The following LDB3 variants were observed in gnomAD, a reference collection of about 807,000 sequenced individuals.
The protein encoded by LDB3 is LIM domain binding 3.
In LDB3, 49 loss-of-function variants were observed where a neutral mutation model predicts 69.0. The observed-to-expected ratio is 0.71, with a 90% confidence interval of 0.56 to 0.90. The LOEUF (loss-of-function observed/expected upper bound fraction) is 0.90. Among genes scored for constraint, LDB3 ranks in the 40% least tolerant of loss-of-function variants. The probability of loss-of-function intolerance (pLI) is 0.00; values close to 1 mark genes in which losing one functional copy is unlikely to be tolerated. For synonymous variants in LDB3, 387 were observed against 396.2 expected, an observed-to-expected ratio of 0.98 and a Z score of 0.28; for missense variants, 928 against 974.1, an observed-to-expected ratio of 0.95 and a Z score of 0.63.
intron 5 of LDB3, among the ~76,000 whole-genome samples, chr10:86,689,683 GGC>G (rs1228321093): frequency 1.6e-4 from 24 of 152,194 alleles, no homozygotes; most frequent in African/African-American, 5.5e-4. Context: ...ACCTCTTGGA[GGC>G]CACTCCCCAG....
chr10:86,679,554 T>C, intron 3 of LDB3, 36 bp downstream of exon 3: 22 of 1,611,600 alleles, frequency 1.4e-5, no homozygotes, highest in Non-Finnish European at 1.8e-5. Flanking sequence ...GGGCGGAGGT[T>C]TGGGTGTGGG....
At chr10:86,724,400 C>T (rs946901088) in intron 12 of LDB3, among the ~76,000 whole-genome samples, 1 of 151,790 alleles carries the variant, frequency 6.6e-6, no homozygotes, top group East Asian at 1.9e-4. Flanking sequence ...GTCAAGAGAT[C>T]GAGACCATCC....
At chr10:86,669,877 C>G (rs1437413408) in intron 2 of LDB3, among the ~76,000 whole-genome samples, 1 of 152,184 alleles carries the variant, frequency 6.6e-6, no homozygotes, top group African/African-American at 2.4e-5. Context: ...AGTTTCTTCT[C>G]TGGGGCCTTA....
intron 7 of LDB3, among the ~76,000 whole-genome samples, chr10:86,702,397 C>T (rs913010316): frequency 2.6e-5 from 4 of 152,144 alleles, no homozygotes; most frequent in Non-Finnish European, 4.4e-5. Context: ...CCCCACCATT[C>T]CCACCACCAA....
At chr10:86,697,436 G>A (rs1356749529) in intron 7 of LDB3, among the ~76,000 whole-genome samples, 2 of 151,394 alleles carry the variant, frequency 1.3e-5, no homozygotes, top group Non-Finnish European at 2.9e-5. Context: ...GGCCAGGCTG[G>A]TCTTGAACTC....
intron 12 of LDB3, among the ~76,000 whole-genome samples, chr10:86,725,061 G>A (rs1048934290): frequency 2.0e-5 from 3 of 152,194 alleles, no homozygotes; most frequent in Admixed American, 1.3e-4. Flanking sequence ...CTATCCACAA[G>A]AAGAACAGGA....
At chr10:86,720,475 T>C (rs1255815093) in intron 12 of LDB3, among the ~76,000 whole-genome samples, 1 of 151,948 alleles carries the variant, frequency 6.6e-6, no homozygotes, top group Non-Finnish European at 1.5e-5. Flanking sequence ...AAGAAACGTC[T>C]TGGGTTCTTG....
Position 86,699,356 on chromosome 10 carries a change from C to T in LDB3, c.896+6785C>T, listed in dbSNP as rs374314746. 1.2e-6 allele frequency: 2 copies of T among 1,613,860 alleles called. No homozygotes were observed. The highest frequency in any genetic ancestry group is 1.7e-5 in the Admixed American group (1 of 60,016). On this transcript the variant is annotated intron_variant, in intron 7 of 13. Transcript: ENST00000361373. The surrounding 1 kb of genome is among the most constrained non-coding windows in gnomAD (Gnocchi z 4.9). ...GGCACCATGGCCTTTCAGCCCAAATCCTTAATGTTAAAAGCTAAAAGGCTG... is the reference window on the plus strand; with the variant it reads ...GGCACCATGGCCTTTCAGCCCAAATTCTTAATGTTAAAAGCTAAAAGGCTG...
chr10:86,721,786 A>G (rs1012743128), intron 12 of LDB3, among the ~76,000 whole-genome samples: 3 of 152,226 alleles, frequency 2.0e-5, no homozygotes, highest in Non-Finnish European at 2.9e-5. Context: ...CAAACCCTCC[A>G]TGTGCTTCTG....
chr10:86,667,273 C>G (rs535441804), upstream of LDB3, among the ~76,000 whole-genome samples: 3 of 152,122 alleles, frequency 2.0e-5, no homozygotes, highest in Non-Finnish European at 4.4e-5. Flanking sequence ...CACACCCAGG[C>G]CTCTACTGAC....
At chr10:86,731,489 C>T (rs1316328222) in intron 13 of LDB3, among the ~76,000 whole-genome samples, 3 of 152,036 alleles carry the variant, frequency 2.0e-5, no homozygotes, top group Non-Finnish European at 4.4e-5. Context: ...TTCCAAAATG[C>T]TGGGATTGCA....
intron 5 of LDB3, chr10:86,685,625 C>T (rs754740457): frequency 6.2e-7 from 1 of 1,603,452 alleles, no homozygotes; most frequent in South Asian, 1.1e-5. Flanking sequence ...CAAACTGCCC[C>T]TGGTGGAGCC....
chr10:86,687,796 A>G (rs1325950600), intron 5 of LDB3, among the ~76,000 whole-genome samples: 1 of 152,220 alleles, frequency 6.6e-6, no homozygotes, highest in Non-Finnish European at 1.5e-5. Context: ...TTGCCCTAGG[A>G]AGCCCGGCCT....
chr10:86,687,294 C>T (rs758066913), intron 5 of LDB3: 18 of 1,610,512 alleles, frequency 1.1e-5, no homozygotes, highest in East Asian at 4.5e-5. Flanking sequence ...CCTCCTCCAC[C>T]GCCACTCAGT....
chr10:86,728,712 G>A (rs1298838201), intron 13 of LDB3, among the ~76,000 whole-genome samples: 1 of 151,504 alleles, frequency 6.6e-6, no homozygotes, highest in Non-Finnish European at 1.5e-5. Flanking sequence ...CTCCTGAGTA[G>A]CTGGGATTAT....
intron 4 of LDB3, among the ~76,000 whole-genome samples, chr10:86,681,218 C>T (rs1845101302): frequency 6.6e-6 from 1 of 152,264 alleles, no homozygotes; most frequent in South Asian, 2.1e-4. Flanking sequence ...TGGCACTCTG[C>T]CCAGCTGGAT....
At chr10:86,682,657 G>GC (rs1293653250) in intron 5 of LDB3, among the ~76,000 whole-genome samples, 1 of 152,196 alleles carries the variant, frequency 6.6e-6, no homozygotes, top group East Asian at 1.9e-4. Flanking sequence ...AGGCAGTAGA[G>GC]CCTAGTGGTT....
chr10:86,672,652 A>G (rs1298426212), intron 2 of LDB3, among the ~76,000 whole-genome samples: 1 of 152,078 alleles, frequency 6.6e-6, no homozygotes, highest in East Asian at 1.9e-4. Context: ...GGGGAAGATA[A>G]ACGGCCAGAG....
intron 13 of LDB3, chr10:86,732,434 A>G: frequency 4.4e-6 from 2 of 450,706 alleles, no homozygotes; most frequent in Non-Finnish European, 8.9e-6. Flanking sequence ...TGCTTCCGTC[A>G]TTAAGAATTC....
Sources: gnomAD v4.1 joint callset for allele counts (sites outside exome capture counted in the v4.1 genomes callset) on GRCh38, gnomAD v4.1.1 for gene constraint, Gnocchi (gnomAD v3.1) non-coding constraint, MANE v1.5 for transcripts, NCBI Gene and HGNC (gene_info 2026-07-23, HGNC 2026-07-21) for gene names.